The following CXCR5 variants were observed in gnomAD, a reference collection of about 807,000 sequenced individuals.
The protein encoded by CXCR5 is C-X-C motif chemokine receptor 5, also known as C-X-C chemokine receptor type 5.
CXCR5 carries 3 observed loss-of-function variants against 5.6 expected under a neutral mutation model. The ratio of observed to expected loss-of-function variants is 0.54; its 90% confidence interval spans 0.24 to 1.39. The LOEUF is 1.39. Among genes scored for constraint, CXCR5 ranks in the 40% most tolerant of loss-of-function variants. The pLI, the probability that CXCR5 is intolerant of heterozygous loss-of-function variation, is 0.16. For synonymous variants in CXCR5, 218 were observed against 219.9 expected, an observed-to-expected ratio of 0.99 and a Z score of 0.08; for missense variants, 333 against 494.6, an observed-to-expected ratio of 0.67 and a Z score of 3.10.
In CXCR5 at chr11:118,897,717, G is replaced by C; in HGVS notation, c.*3054G>C. 1 of 449,084 alleles carries C rather than the reference G, an allele frequency of 2.2e-6. No individual in the cohort carries two copies. Among genetic ancestry groups the C allele is most frequent in the Non-Finnish European group, 4.4e-6 (1 of 224,828 alleles). The allele number at this position is 449,084 out of a possible 1,614,324, so 27.8% of individuals were successfully genotyped here. A position where few individuals can be genotyped will look rare whatever the true frequency, so the allele number is the denominator to read the frequency against. On this transcript the variant is annotated 3_prime_UTR_variant, in exon 2 of 2. Coordinates refer to ENST00000292174, the MANE Select transcript of CXCR5 (RefSeq NM_001716.5). ...GTCCCTGGGTCCAGGGGAATGGAGG[G>C]AGCAATAACTTGAAGAAGGGGGGAA...
chr11:118,888,497 A>G (rs1189226112), intron 1 of CXCR5, among the ~76,000 whole-genome samples: 1 of 152,168 alleles, frequency 6.6e-6, no homozygotes, highest in Non-Finnish European at 1.5e-5. Flanking sequence ...CAAAGTGGTC[A>G]TCCTTGTCCA....
intron 1 of CXCR5, among the ~76,000 whole-genome samples, chr11:118,890,616 A>G (rs986693497): frequency 1.3e-5 from 2 of 152,178 alleles, no homozygotes; most frequent in African/African-American, 4.8e-5. Flanking sequence ...GGGGTGGTCT[A>G]GAGCAATAAT....
Position 118,890,692 on chromosome 11 carries a change from T to C in CXCR5, c.52-2904T>C, listed in dbSNP as rs56214020. Reference sequence around the variant, plus strand: ...ACATTTGGGAAGAACATAAAGGCTGTGTTGGGAGGTTAGACGTCTTCCCAC... The same window carrying C: ...ACATTTGGGAAGAACATAAAGGCTGCGTTGGGAGGTTAGACGTCTTCCCAC... On this transcript the variant is annotated intron_variant, in intron 1 of 1. Coordinates refer to ENST00000292174, the MANE Select transcript of CXCR5 (RefSeq NM_001716.5). Among the ~76,000 whole-genome samples the C allele has an allele frequency of 7.2e-3, 1,095 of 152,282 alleles. 12 individuals are homozygous for C. The highest frequency in any genetic ancestry group is 0.025 in the African/African-American group (1,022 of 41,550).
rs1166700537 is a variant in CXCR5 at position 118,894,110 on chromosome 11, A to G, written c.566A>G (p.Lys189Arg). ...LLALPEILFA[K>R]VSQGHHNNSL... ...GCCTTGCCAGAGATTCTCTTCGCCA[A>G]AGTCAGCCAAGGCCATCACAACAAC... Residue 189 changes from lysine to arginine, a missense_variant, in exon 2 of 2, where the codon AAA (lysine) becomes AGA (arginine). Coordinates refer to ENST00000292174, the MANE Select transcript of CXCR5 (RefSeq NM_001716.5). The surrounding 1 kb of genome is among the most constrained non-coding windows in gnomAD (Gnocchi z 6.1). The G allele has an allele frequency of 6.2e-7, 1 of 1,613,914 alleles. No homozygotes were observed. The highest frequency in any genetic ancestry group is 1.7e-5 in the Admixed American group (1 of 59,958).
chr11:118,886,480 G>C, intron 1 of CXCR5: 1 of 403,116 alleles, frequency 2.5e-6, no homozygotes, highest in Non-Finnish European at 4.8e-6. Flanking sequence ...GGCAGGGGCT[G>C]GGGGGTGGGG....
At chr11:118,892,023 G>C (rs752426371) in intron 1 of CXCR5, among the ~76,000 whole-genome samples, 3 of 152,186 alleles carry the variant, frequency 2.0e-5, no homozygotes, top group Non-Finnish European at 2.9e-5. Flanking sequence ...AACTTACCCT[G>C]TCCTCTGTGC....
intron 1 of CXCR5, chr11:118,886,277 C>A (rs1026834856): frequency 1.4e-5 from 6 of 433,994 alleles, no homozygotes; most frequent in Non-Finnish European, 2.7e-5. Context: ...GTTCACATTC[C>A]TTGAACGCTG....
chr11:118,886,825 C>T (rs759412149), intron 1 of CXCR5: 11 of 173,924 alleles, frequency 6.3e-5, no homozygotes, highest in Non-Finnish European at 1.1e-4. Context: ...TTCTATGACC[C>T]CTCTCCATAG....
intron 1 of CXCR5, among the ~76,000 whole-genome samples, chr11:118,884,747 G>C (rs960263319): frequency 2.6e-5 from 4 of 152,166 alleles, no homozygotes; most frequent in Non-Finnish European, 5.9e-5. Context: ...CCAGCACTAC[G>C]CTGCCACCAC....
chr11:118,890,057 G>A (rs1301288639), intron 1 of CXCR5, among the ~76,000 whole-genome samples: 3 of 152,176 alleles, frequency 2.0e-5, no homozygotes, highest in Admixed American at 2.0e-4. Context: ...TTGGCTCTGC[G>A]TGAAGACTGC....
Position 118,894,507 on chromosome 11 carries a change from C to A in CXCR5, c.963C>A (p.Leu321=), listed in dbSNP as rs779569993. 14 of 1,599,678 alleles carry A rather than the reference C, an allele frequency of 8.8e-6. No individual in the cohort carries two copies. Among genetic ancestry groups the A allele is most frequent in the Non-Finnish European group, 1.2e-5 (14 of 1,170,804 alleles). The change falls in exon 2 of 2, where the codon CTC becomes CTA. Residue 321 remains leucine (L), a synonymous_variant. Coordinates refer to ENST00000292174, the MANE Select transcript of CXCR5 (RefSeq NM_001716.5). The surrounding 1 kb of genome is among the most constrained non-coding windows in gnomAD (Gnocchi z 6.1). ...CCCACTGCTGCCTCAACCCCATGCT[C>A]TACACTTTCGCCGGCGTGAAGTTCC... ...GLAHCCLNPM[L]YTFAGVKFRS... is the part of the protein sequence containing the mutation.
chr11:118,884,892 G>T (rs1446426149), intron 1 of CXCR5, among the ~76,000 whole-genome samples: 1 of 152,140 alleles, frequency 6.6e-6, no homozygotes, highest in Non-Finnish European at 1.5e-5. Flanking sequence ...GAGGCTGGTT[G>T]TAAGGGTTTC....
intron 1 of CXCR5, among the ~76,000 whole-genome samples, chr11:118,889,778 C>T (rs1181849510): frequency 6.6e-6 from 1 of 152,208 alleles, no homozygotes; most frequent in Non-Finnish European, 1.5e-5. Flanking sequence ...ACACAGGCCC[C>T]TCCCAAGCCC....
At chr11:118,892,584 G>A (rs1169391013) in intron 1 of CXCR5, among the ~76,000 whole-genome samples, 1 of 151,504 alleles carries the variant, frequency 6.6e-6, no homozygotes, top group African/African-American at 2.4e-5. Context: ...AGGTGCAGGG[G>A]ACAGCTGTGA....
At position 118,894,004 on chromosome 11, in the gene CXCR5, G is replaced by A. The variant is rs373196739; in HGVS notation, c.460G>A (p.Ala154Thr). ...GGACCGCTACCTGGCCATTGTCCAC[G>A]CCGTCCATGCCTACCGCCACCGCCG... ...AVDRYLAIVH[A>T]VHAYRHRRLL... Residue 154 changes from alanine (A) to threonine (T), a missense_variant, in exon 2 of 2, where the codon GCC becomes ACC. Physicochemically the swap from Ala to Thr is moderately conservative, Grantham distance 58. Transcript: ENST00000292174. This position sits in a 1 kb window ranked among gnomAD's most constrained non-coding sequence, Gnocchi z 6.1. The A allele has an allele frequency of 6.8e-6, 11 of 1,613,474 alleles. 1 individual carries two copies. Among genetic ancestry groups the A allele is most frequent in the Admixed American group, 3.3e-5 (2 of 59,990 alleles).
intron 1 of CXCR5, among the ~76,000 whole-genome samples, chr11:118,888,832 G>A (rs1225231316): frequency 6.6e-6 from 1 of 152,190 alleles, no homozygotes; most frequent in African/African-American, 2.4e-5. Flanking sequence ...TGAGAGTGCT[G>A]AAGAGGAGGG....
chr11:118,891,401 A>G (rs1289380980), intron 1 of CXCR5, among the ~76,000 whole-genome samples: 10 of 151,992 alleles, frequency 6.6e-5, no homozygotes, highest in Admixed American at 6.6e-4. Flanking sequence ...GCGTAGCAGC[A>G]TAATCATAGT....
At chr11:118,888,150 C>A (rs993926167) in intron 1 of CXCR5, among the ~76,000 whole-genome samples, 4 of 152,182 alleles carry the variant, frequency 2.6e-5, no homozygotes, top group African/African-American at 9.7e-5. Context: ...AAGGCAGAGT[C>A]CAGCCTCCTT....
intron 1 of CXCR5, chr11:118,887,147 C>A: frequency 1.3e-6 from 1 of 741,906 alleles, no homozygotes; most frequent in Non-Finnish European, 1.6e-6. Flanking sequence ...TTCGGGCATA[C>A]AAACTGCAGA....
Sources: gnomAD v4.1 joint callset for allele counts (sites outside exome capture counted in the v4.1 genomes callset) on GRCh38, gnomAD v4.1.1 for gene constraint, Gnocchi (gnomAD v3.1) non-coding constraint, MANE v1.5 for transcripts, NCBI Gene and HGNC (gene_info 2026-07-23, HGNC 2026-07-21) for gene names.